CNTN3: variants seen among roughly 807,000 people sequenced by gnomAD.
CNTN3 encodes the protein contactin-3.
CNTN3 carries 60 observed loss-of-function variants against 119.1 expected under a neutral mutation model. The observed-to-expected ratio is 0.50, with a 90% CI of 0.41 to 0.62. The LOEUF (loss-of-function observed/expected upper bound fraction) is 0.62. Among genes scored for constraint, CNTN3 ranks in the 20% least tolerant of loss-of-function variants. The pLI is 0.00. For missense variants in CNTN3, 1,101 were observed against 1,242.4 expected (o/e 0.89, Z 1.71); for synonymous variants, 450 against 438.7 (o/e 1.03, Z -0.32).
At chr3:74,566,401 TG>T (rs1445931982) in intron 1 of CNTN3, among the ~76,000 whole-genome samples, 2 of 152,076 alleles carry the variant, frequency 1.3e-5, no homozygotes, top group Non-Finnish European at 2.9e-5. Context: ...ATAACAGAAA[TG>T]TATTCTCTCA....
rs752599683 is a variant in CNTN3, at chr3:74,298,174, T to C, written c.2184A>G (p.Leu728=). 6.3e-6 allele frequency: 10 copies of C among 1,593,162 alleles called. No individual in the cohort carries two copies. The highest frequency in any genetic ancestry group is 1.1e-5 in the South Asian group (1 of 87,974). ...VITWDPVPEE[L]QNGEGFGYVV... is the part of the protein sequence containing the mutation. ...CATACCCAAAACCTTCACCATTCTG[T>C]AGTTCTTCAGGGACTGGCTATAAAG... The change falls in exon 18 of 23, where the codon CTA becomes CTG. Residue 728 remains leucine (L), a synonymous_variant. Transcript: ENST00000263665.
chr3:74,480,787 G>A (rs1702750039), intron 4 of CNTN3, among the ~76,000 whole-genome samples: 1 of 151,806 alleles, frequency 6.6e-6, no homozygotes, highest in African/African-American at 2.4e-5. Flanking sequence ...GGTTCTCTAG[G>A]TGGGCTATAC....
intron 3 of CNTN3, among the ~76,000 whole-genome samples, chr3:74,492,129 C>A (rs4076052): frequency 0.022 from 3,367 of 152,230 alleles, 45 homozygotes; most frequent in South Asian, 0.071. Context: ...TCAGTGTCAG[C>A]CTTCAGTGTT....
At chr3:74,387,722 C>T (rs1704786528) in intron 5 of CNTN3, among the ~76,000 whole-genome samples, 1 of 152,198 alleles carries the variant, frequency 6.6e-6, no homozygotes, top group South Asian at 2.1e-4. Context: ...CTCATCACCT[C>T]CCTATGGGGC....
intron 4 of CNTN3, among the ~76,000 whole-genome samples, chr3:74,449,907 T>A (rs1268507782): frequency 6.6e-6 from 1 of 152,144 alleles, no homozygotes; most frequent in Non-Finnish European, 1.5e-5. Context: ...TTCTGGACCA[T>A]AAGGCAATTT....
intron 4 of CNTN3, among the ~76,000 whole-genome samples, chr3:74,480,601 A>C (rs1702745760): frequency 6.6e-6 from 1 of 152,060 alleles, no homozygotes; most frequent in South Asian, 2.1e-4. Flanking sequence ...TCTTCTAAAA[A>C]GGAAAAATAG....
chr3:74,417,291 C>T (rs1459879981), intron 5 of CNTN3, among the ~76,000 whole-genome samples: 1 of 152,142 alleles, frequency 6.6e-6, no homozygotes, highest in Non-Finnish European at 1.5e-5. Flanking sequence ...AAACTGAACT[C>T]AGTACTTTTC....
intron 20 of CNTN3, among the ~76,000 whole-genome samples, chr3:74,276,423 A>C (rs942991633): frequency 3.9e-5 from 6 of 152,182 alleles, no homozygotes; most frequent in African/African-American, 1.2e-4. Context: ...TAAAAAATTG[A>C]AATTATATCA....
At chr3:74,332,553 A>G (rs1263996174) in intron 13 of CNTN3, among the ~76,000 whole-genome samples, 1 of 152,198 alleles carries the variant, frequency 6.6e-6, no homozygotes, top group Non-Finnish European at 1.5e-5. Flanking sequence ...ATAAACTCGA[A>G]TGTTTTTAAC....
chr3:74,323,732 AT>A (rs1200519109), intron 13 of CNTN3, among the ~76,000 whole-genome samples: 7 of 152,102 alleles, frequency 4.6e-5, no homozygotes, highest in African/African-American at 1.7e-4. Flanking sequence ...AATTTATTGC[AT>A]TTCCCCTTTT....
chr3:74,560,700 T>C (rs1704139345), intron 1 of CNTN3, among the ~76,000 whole-genome samples: 3 of 152,198 alleles, frequency 2.0e-5, no homozygotes, highest in South Asian at 2.1e-4. Flanking sequence ...ATATAAATCA[T>C]ACTGCTATAA....
chr3:74,365,569 T>C lies in CNTN3; in HGVS notation c.1080A>G (p.Leu360=), dbSNP rs1203888272. The change falls in exon 9 of 23, where the codon CTA becomes CTG. Residue 360 remains leucine (L), a synonymous_variant. Transcript: ENST00000263665. ...RWLKNGAALV[L]EERTQIENGA... ...TTTTAGGTCCATGTTACCTTACCTC[T>C]AGCACCAGGGCTGCTCCATTTTTCA... 4 of 1,613,324 alleles carry C rather than the reference T, an allele frequency of 2.5e-6. No individual in the cohort carries two copies. The highest frequency in any genetic ancestry group is 2.2e-5 in the East Asian group (1 of 44,850).
intron 1 of CNTN3, among the ~76,000 whole-genome samples, chr3:74,601,424 T>C (rs761880316): frequency 5.3e-5 from 8 of 152,168 alleles, no homozygotes; most frequent in Non-Finnish European, 1.2e-4. Flanking sequence ...CGGTACACTC[T>C]TGAAGAATTT....
chr3:74,554,426 T>G (rs1024572459), intron 1 of CNTN3, among the ~76,000 whole-genome samples: 25 of 152,174 alleles, frequency 1.6e-4, no homozygotes, highest in African/African-American at 5.8e-4. Flanking sequence ...ATATGAAGTT[T>G]AAAGTAGTTT....
intron 1 of CNTN3, among the ~76,000 whole-genome samples, chr3:74,525,867 TC>T (rs1703612223): frequency 6.6e-6 from 1 of 151,888 alleles, no homozygotes; most frequent in African/African-American, 2.4e-5. Flanking sequence ...TTGTGGCTAG[TC>T]ATATACTTTA....
chr3:74,416,808 C>G (rs1701530535), intron 5 of CNTN3, among the ~76,000 whole-genome samples: 1 of 151,792 alleles, frequency 6.6e-6, no homozygotes, highest in South Asian at 2.1e-4. Context: ...GTCAACATGG[C>G]AAAACCCCAT....
intron 19 of CNTN3, among the ~76,000 whole-genome samples, chr3:74,289,100 C>G (rs546399714): frequency 6.6e-6 from 1 of 152,114 alleles, no homozygotes; most frequent in African/African-American, 2.4e-5. Flanking sequence ...GTTAGCCACA[C>G]GACTGATAAT....
At chr3:74,605,557 G>A (rs1414988767) in intron 1 of CNTN3, among the ~76,000 whole-genome samples, 1 of 152,096 alleles carries the variant, frequency 6.6e-6, no homozygotes, top group African/African-American at 2.4e-5. Flanking sequence ...ATTTAGTTTG[G>A]TAGTTTTGCC....
At position 74,593,263 on chromosome 3, in the gene CNTN3, C is replaced by T. The variant is rs180687848; in HGVS notation, c.-81+21128G>A. Reference sequence around the variant, plus strand: ...TGTGACAGTTTCATCTCAGAGCCTCCTGAATCATCTCTCTCTAAAATTTCA... The same window carrying T: ...TGTGACAGTTTCATCTCAGAGCCTCTTGAATCATCTCTCTCTAAAATTTCA... On this transcript the variant is annotated intron_variant, in intron 1 of 22. Transcript: ENST00000263665. Among the ~76,000 whole-genome samples the T allele has an allele frequency of 2.9e-3, 439 of 151,978 alleles. 2 individuals carry two copies. Among genetic ancestry groups the T allele is most frequent in the Non-Finnish European group, 4.7e-3 (321 of 67,898 alleles).
Sources: allele counts gnomAD v4.1 joint callset (sites outside exome capture counted in the v4.1 genomes callset), GRCh38; gene constraint gnomAD v4.1.1; transcripts MANE v1.5; gene names NCBI Gene and HGNC (gene_info 2026-07-23, HGNC 2026-07-21).